Variants in IPO7 observed in about 807,000 individuals in gnomAD.
IPO7 encodes the protein importin-7.
In IPO7, 13 loss-of-function variants were observed where a neutral mutation model predicts 136.4. That is an observed-to-expected ratio of 0.10 (90% CI 0.06 to 0.15). IPO7 has a LOEUF of 0.15. Among genes scored for constraint, IPO7 ranks in the 10% least tolerant of loss-of-function variants. The pLI is 1.00. For synonymous variants in IPO7, 403 were observed against 404.4 expected, an observed-to-expected ratio of 1.00 and a Z score of 0.04; for missense variants, 857 against 1,240.6, an observed-to-expected ratio of 0.69 and a Z score of 4.65.
At chr11:9,416,453 G>A (rs571118489) in intron 5 of IPO7, among the ~76,000 whole-genome samples, 3 of 152,204 alleles carry the variant, frequency 2.0e-5, no homozygotes, top group Non-Finnish European at 2.9e-5. Flanking sequence ...CTATCATAGG[G>A]CATAGGGAAT....
At chr11:9,395,706 C>T (rs1258063990) in intron 1 of IPO7, among the ~76,000 whole-genome samples, 1 of 151,988 alleles carries the variant, frequency 6.6e-6, no homozygotes, top group East Asian at 1.9e-4. Flanking sequence ...GCTTAGTTGT[C>T]TGAAAGTTAT....
chr11:9,428,770 GC>G, intron 13 of IPO7, 141 bp downstream of exon 13: 1 of 787,564 alleles, frequency 1.3e-6, no homozygotes, highest in Non-Finnish European at 2.3e-6. Context: ...TCTTTACATG[GC>G]TGCTGTAATG....
At chr11:9,436,786 C>A (rs1190139373) in intron 20 of IPO7, among the ~76,000 whole-genome samples, 2 of 135,950 alleles carry the variant, frequency 1.5e-5, no homozygotes, top group Admixed American at 7.7e-5. Flanking sequence ...AGTTCTCCTG[C>A]CTCAGCCTCC....
chr11:9,426,526 G>GGGTATATACCTAGGAC lies in IPO7; in HGVS notation c.1335+1264_1335+1265insGGTATATACCTAGGAC, dbSNP rs1855211132. On this transcript the variant is annotated intron_variant, in intron 12 of 24. Coordinates refer to ENST00000379719, the MANE Select transcript of IPO7 (RefSeq NM_006391.3). ...ATTTTTCATGGGTATATACCTAGGA[G>GGGTATATACCTAGGAC]TATGAATTGCTTGTCATAATTTGAG... Among the ~76,000 whole-genome samples, 4 of 151,822 alleles carry GGGTATATACCTAGGAC rather than the reference G, an allele frequency of 2.6e-5. No individual in the cohort carries two copies. The South Asian group carries it at 8.3e-4, about 31-fold the overall frequency.
chr11:9,430,416 A>T (rs983237742), intron 15 of IPO7: 4 of 155,526 alleles, frequency 2.6e-5, no homozygotes, highest in African/African-American at 9.6e-5. Flanking sequence ...ACTTGTTCTT[A>T]ACTACTACCT....
chr11:9,412,935 G>A (rs12366222), intron 4 of IPO7, among the ~76,000 whole-genome samples: 9 of 143,268 alleles, frequency 6.3e-5, no homozygotes, highest in Non-Finnish European at 1.2e-4. Context: ...CTGTTGCCTA[G>A]GCTGGAGTGC....
At chr11:9,441,332 C>T (rs950992516) in intron 23 of IPO7, among the ~76,000 whole-genome samples, 2 of 152,170 alleles carry the variant, frequency 1.3e-5, no homozygotes, top group African/African-American at 4.8e-5. Flanking sequence ...TTTTTACCAT[C>T]ATTTACTTGG....
At chr11:9,425,422 C>T in intron 12 of IPO7, 160 bp downstream of exon 12, 1 of 602,136 alleles carries the variant, frequency 1.7e-6, no homozygotes, top group Non-Finnish European at 3.0e-6. Flanking sequence ...GCCTGGGCAA[C>T]ATAGTGATAC....
rs1302755240 is a variant in IPO7 at position 9,408,707 on chromosome 11, T to TG, written c.320+68_320+69insG. 11 of 652,820 alleles carry TG rather than the reference T, an allele frequency of 1.7e-5. No individual in the cohort carries two copies. In the African/African-American group the frequency reaches 1.9e-4, roughly 11 times the overall value. 40.4% of individuals were successfully genotyped at this position (652,820 alleles called of 1,614,324 possible). ...TTTCAGGGTTTTTTGTTTTTTGGTT[T>TG]TTTTTTTTTTTTTTTTTTTTTTTGA... is the stretch of plus-strand genomic sequence containing the variant. On this transcript the variant is annotated intron_variant, in intron 3 of 24. Coordinates refer to ENST00000379719, the MANE Select transcript of IPO7 (RefSeq NM_006391.3).
At chr11:9,427,045 T>G (rs1855220290) in intron 12 of IPO7, among the ~76,000 whole-genome samples, 1 of 152,174 alleles carries the variant, frequency 6.6e-6, no homozygotes, top group Non-Finnish European at 1.5e-5. Context: ...AGATGGGGTT[T>G]TGCCATGTTG....
chr11:9,428,193 A>G (rs1256744254), intron 12 of IPO7, among the ~76,000 whole-genome samples: 2 of 152,184 alleles, frequency 1.3e-5, no homozygotes, highest in Non-Finnish European at 2.9e-5. Flanking sequence ...GATTTTTCTC[A>G]GGTTATGTTA....
At chr11:9,404,265 A>C (rs1195803531) in intron 2 of IPO7, among the ~76,000 whole-genome samples, 2 of 152,024 alleles carry the variant, frequency 1.3e-5, no homozygotes, top group African/African-American at 2.4e-5. Flanking sequence ...GGAAATCGAG[A>C]CCATCCTGGC....
At chr11:9,402,219 G>A (rs565727013) in intron 1 of IPO7, among the ~76,000 whole-genome samples, 4 of 151,668 alleles carry the variant, frequency 2.6e-5, no homozygotes, top group Admixed American at 2.0e-4. Flanking sequence ...GGCCAATATA[G>A]TGAAACCCCG....
In IPO7 at chr11:9,408,585, A is replaced by G; in HGVS notation, c.266A>G (p.His89Arg). Reference sequence around the variant, plus strand: ...TATACTATTCCAGAAGAAGATCGCCATTGTATTCGAGAAAATATTGTAGAA... The same window carrying G: ...TATACTATTCCAGAAGAAGATCGCCGTTGTATTCGAGAAAATATTGTAGAA... Reference protein sequence around the residue: ...SPYTIPEEDRHCIRENIVEAI... With the variant: ...SPYTIPEEDRRCIRENIVEAI... The change falls in exon 3 of 25, where the codon CAT (histidine) becomes CGT (arginine). Residue 89 changes from histidine (H) to arginine (R), a missense_variant. Around this residue, in one of 11 missense-constraint regions of IPO7, gnomAD observed 287 missense variants for 307.5 expected, o/e 0.93. Coordinates refer to ENST00000379719, the MANE Select transcript of IPO7 (RefSeq NM_006391.3). The G allele has an allele frequency of 4.3e-6, 7 of 1,610,452 alleles. No homozygotes were observed. The highest frequency in any genetic ancestry group is 4.2e-6 in the Non-Finnish European group (5 of 1,178,406).
chr11:9,406,042 C>T (rs1854878150), intron 2 of IPO7, among the ~76,000 whole-genome samples: 1 of 147,824 alleles, frequency 6.8e-6, no homozygotes, highest in Non-Finnish European at 1.5e-5. Context: ...GCATGTGTCA[C>T]TACACCCATC....
chr11:9,397,341 A>AAAAAAAAAAAAAAAAATATATATATATAT, intron 1 of IPO7, among the ~76,000 whole-genome samples: 1 of 10,762 alleles, frequency 9.3e-5, no homozygotes, highest in Non-Finnish European at 1.8e-4. Context: ...TTTAAAAAAA[A>AAAAAAAAAAAAAAAAATATATATATATAT]ATATATATAT....
chr11:9,400,197 A>T (rs1425344528), intron 1 of IPO7, among the ~76,000 whole-genome samples: 3 of 152,112 alleles, frequency 2.0e-5, no homozygotes, highest in South Asian at 2.1e-4. Context: ...GTTATTTAAA[A>T]TTTTTTTCCC....
intron 4 of IPO7, 151 bp downstream of exon 4, chr11:9,410,237 A>C: frequency 1.8e-6 from 1 of 555,910 alleles, no homozygotes; most frequent in Admixed American, 4.2e-5. Context: ...TCTTTTTGAC[A>C]TAGCATTCTA....
At chr11:9,388,474 C>G (rs1354660875) in intron 1 of IPO7, among the ~76,000 whole-genome samples, 1 of 150,172 alleles carries the variant, frequency 6.7e-6, no homozygotes, top group African/African-American at 2.5e-5. Context: ...CATGCCCAGC[C>G]TATTTATTTA....
Sources: gnomAD v4.1 joint callset for allele counts (sites outside exome capture counted in the v4.1 genomes callset) on GRCh38, gnomAD v4.1.1 for gene constraint, gnomAD v4.1.1 regional missense constraint, MANE v1.5 for transcripts, NCBI Gene and HGNC (gene_info 2026-07-23, HGNC 2026-07-21) for gene names.